The following SI variants were observed in gnomAD, a reference collection of about 807,000 sequenced individuals.
The protein encoded by SI is sucrase-isomaltase.
A neutral mutation model predicts 253.3 loss-of-function variants in SI; 235 were observed. The ratio of observed to expected loss-of-function variants is 0.93; its 90% CI spans 0.83 to 1.03. The LOEUF (loss-of-function observed/expected upper bound fraction) is 1.03, where lower values mean the gene tolerates loss of function less well. Among genes scored for constraint, SI ranks in the 50% least tolerant of loss-of-function variants. The probability of loss-of-function intolerance (pLI) is 0.00; values close to 1 mark genes in which losing one functional copy is unlikely to be tolerated. For missense variants in SI, 2,442 were observed against 2,211.1 expected, an observed-to-expected ratio of 1.10 and a Z score of -2.09; for synonymous variants, 819 against 712.0, an observed-to-expected ratio of 1.15 and a Z score of -2.39.
At chr3:165,026,137 A>G (rs550525195) in intron 25 of SI, among the ~76,000 whole-genome samples, 1 of 151,458 alleles carries the variant, frequency 6.6e-6, no homozygotes, top group Non-Finnish European at 1.5e-5. Context: ...AAGGGGTAGA[A>G]AAAAACATTC....
chr3:165,030,640 T>C (rs1424492844), intron 25 of SI, 72 bp downstream of exon 25: 1 of 1,472,220 alleles, frequency 6.8e-7, no homozygotes, highest in Non-Finnish European at 9.4e-7. Flanking sequence ...TTTAAAATTA[T>C]AATATGTAAA....
chr3:165,049,357 G>A, intron 14 of SI, 113 bp from the exon 15 acceptor site: 2 of 738,248 alleles, frequency 2.7e-6, no homozygotes, highest in South Asian at 1.7e-5. Context: ...TTCCATATTT[G>A]GTTAAAAACA....
chr3:165,049,318 T>C, intron 14 of SI, 74 bp from the exon 15 acceptor site: 1 of 849,528 alleles, frequency 1.2e-6, no homozygotes, highest in Non-Finnish European at 2.0e-6. Context: ...ATCATAAATG[T>C]CATATTCCTT....
intron 18 of SI, among the ~76,000 whole-genome samples, chr3:165,040,496 G>A (rs1221182795): frequency 6.6e-6 from 1 of 151,944 alleles, no homozygotes; most frequent in Non-Finnish European, 1.5e-5. Flanking sequence ...GTAAGCTCTA[G>A]TTTTTACCTG....
chr3:165,066,671 C>A (rs1479682150), intron 6 of SI, among the ~76,000 whole-genome samples: 1 of 151,838 alleles, frequency 6.6e-6, no homozygotes, highest in Non-Finnish European at 1.5e-5. Flanking sequence ...TAAGGGAGAT[C>A]ATACAGTATT....
At chr3:165,072,469 T>G (rs1278940207) in intron 3 of SI, among the ~76,000 whole-genome samples, 1 of 152,040 alleles carries the variant, frequency 6.6e-6, no homozygotes, top group Admixed American at 6.6e-5. Flanking sequence ...AAATCATATT[T>G]GAAAATTGCA....
intron 25 of SI, among the ~76,000 whole-genome samples, chr3:165,028,171 C>A (rs898951351): frequency 6.6e-6 from 1 of 151,178 alleles, no homozygotes; most frequent in Admixed American, 6.6e-5. Flanking sequence ...AAATCAAAAA[C>A]TCAACCTCTT....
chr3:165,078,325 A>C (rs1715136237), intron 1 of SI, 108 bp downstream of exon 1: 1 of 151,980 alleles, frequency 6.6e-6, no homozygotes, highest in Non-Finnish European at 1.5e-5. Context: ...TGATATTGCT[A>C]TTTTAGCCTA....
chr3:165,005,148 C>T (rs905321372), intron 37 of SI, among the ~76,000 whole-genome samples: 7 of 151,994 alleles, frequency 4.6e-5, no homozygotes, highest in Admixed American at 1.3e-4. Context: ...TTAAATTGCC[C>T]AGTCTTTAAA....
chr3:165,073,031 A>G (rs1446463330), intron 3 of SI, among the ~76,000 whole-genome samples: 1 of 152,148 alleles, frequency 6.6e-6, no homozygotes, highest in Non-Finnish European at 1.5e-5. Context: ...TTCTTCAGCA[A>G]TCTAACAGTT....
intron 41 of SI, 144 bp from the exon 42 acceptor site, chr3:164,992,541 A>G (rs1717803414): frequency 1.6e-6 from 1 of 636,460 alleles, no homozygotes. Context: ...TAAAAAATAT[A>G]TCAGTTGGAA....
intron 33 of SI, among the ~76,000 whole-genome samples, chr3:165,014,055 T>C (rs1022413529): frequency 2.6e-5 from 4 of 152,174 alleles, no homozygotes; most frequent in African/African-American, 9.6e-5. Flanking sequence ...CAGCTTTCTC[T>C]AATGTTAACA....
rs1262296828 is a variant in SI, at chr3:165,004,922, T to C, written c.4406+1894A>G. Reference sequence around the variant, plus strand: ...AAGGGAGCGACCTGGTGGGAGGTGATTCCATCATGGGGGCGGTTTCCCCTA... The same window carrying C: ...AAGGGAGCGACCTGGTGGGAGGTGACTCCATCATGGGGGCGGTTTCCCCTA... On this transcript the variant is annotated intron_variant, in intron 37 of 47. Coordinates refer to ENST00000264382, the MANE Select transcript of SI (RefSeq NM_001041.4). 1.6e-4 allele frequency among the ~76,000 whole-genome samples: 24 copies of C among 152,198 alleles called. No individual in the cohort carries two copies. The East Asian group carries it at 2.9e-3, about 18-fold the overall frequency.
At chr3:165,057,707 A>G (rs1713764277) in intron 12 of SI, among the ~76,000 whole-genome samples, 1 of 151,968 alleles carries the variant, frequency 6.6e-6, no homozygotes, top group Admixed American at 6.6e-5. Context: ...TAGAGAAAAA[A>G]AAAAAAAAAA....
At chr3:164,996,714 G>A in intron 39 of SI, 24 bp downstream of exon 39, 1 of 1,230,504 alleles carries the variant, frequency 8.1e-7, no homozygotes. Context: ...AATTTATGAA[G>A]ATAAAAGGAA....
At chr3:165,078,709 C>G (rs1456248925), upstream of SI, among the ~76,000 whole-genome samples, 2 of 151,508 alleles carry the variant, frequency 1.3e-5, no homozygotes, top group Admixed American at 1.3e-4. Context: ...AAGCTGTGAA[C>G]TATTAATATC....
chr3:165,007,069 T>C, intron 36 of SI, 115 bp from the exon 37 acceptor site: 1 of 800,694 alleles, frequency 1.2e-6, no homozygotes. Flanking sequence ...TTATAAAACC[T>C]ATGTATATTT....
chr3:165,073,660 A>G (rs928078270), intron 3 of SI, among the ~76,000 whole-genome samples: 1 of 152,132 alleles, frequency 6.6e-6, no homozygotes, highest in African/African-American at 2.4e-5. Context: ...ATATAGAGTC[A>G]GCCCTCTGCA....
chr3:165,072,268 T>G (rs914106806), intron 3 of SI, among the ~76,000 whole-genome samples: 25 of 152,144 alleles, frequency 1.6e-4, no homozygotes, highest in African/African-American at 4.8e-4. Context: ...TCTCAAATAT[T>G]TAAAAGAGTA....
Sources: gnomAD v4.1 joint callset for allele counts (sites outside exome capture counted in the v4.1 genomes callset) on GRCh38, gnomAD v4.1.1 for gene constraint, MANE v1.5 for transcripts, NCBI Gene and HGNC (gene_info 2026-07-23, HGNC 2026-07-21) for gene names.